CFAP95: variants seen among roughly 807,000 people sequenced by gnomAD.
CFAP95 encodes the protein cilia and flagella associated protein 95.
chr9:69,840,166 T>A, the CFAP95 span, among the ~76,000 whole-genome samples: 6 of 152,152 alleles, frequency 3.9e-5, no homozygotes, highest in African/African-American at 1.4e-4. Context: ...TTGTAAATTC[T>A]ATTTTAGTAC....
the CFAP95 span, among the ~76,000 whole-genome samples, chr9:69,841,198 T>TATATATATATATATATC: frequency 5.2e-5 from 2 of 38,492 alleles, no homozygotes; most frequent in Non-Finnish European, 6.4e-5. Context: ...ATATATATAT[T>TATATATATATATATATC]TCTGATTTAA....
the CFAP95 span, among the ~76,000 whole-genome samples, chr9:69,835,218 T>C: frequency 6.6e-6 from 1 of 152,220 alleles, no homozygotes; most frequent in African/African-American, 2.4e-5. Flanking sequence ...ACATTAATAA[T>C]TCTAAAATTT....
the CFAP95 span, among the ~76,000 whole-genome samples, chr9:69,829,045 T>C: frequency 2.0e-5 from 3 of 152,244 alleles, no homozygotes; most frequent in Non-Finnish European, 4.4e-5. Flanking sequence ...TGTTAGTTTA[T>C]GTTGGGTAAA....
At chr9:69,868,275 A>AT in the CFAP95 span, among the ~76,000 whole-genome samples, 85,303 of 151,828 alleles carry the variant, frequency 0.56, 24,307 homozygotes, top group East Asian at 0.82. Context: ...AAATGAAATG[A>AT]TTTTTTTGGA....
chr9:69,824,314 T>G, the CFAP95 span, among the ~76,000 whole-genome samples: 1 of 152,204 alleles, frequency 6.6e-6, no homozygotes, highest in Admixed American at 6.5e-5. Context: ...TTGATCCTTA[T>G]TATTTCCGGA....
At chr9:69,873,575 T>C in the CFAP95 span, among the ~76,000 whole-genome samples, 1 of 152,280 alleles carries the variant, frequency 6.6e-6, no homozygotes, top group South Asian at 2.1e-4. Context: ...TGTGGCTATA[T>C]TTATCTTAAG....
the CFAP95 span, chr9:69,857,961 C>A: frequency 6.2e-7 from 1 of 1,613,958 alleles, no homozygotes; most frequent in Non-Finnish European, 8.5e-7. Context: ...TAGACATCCA[C>A]CGGATTGGAG....
the CFAP95 span, among the ~76,000 whole-genome samples, chr9:69,841,165 TA>T: frequency 0.41 from 20,304 of 50,090 alleles, 2,915 homozygotes; most frequent in East Asian, 0.55. Context: ...CAAGCTGGAT[TA>T]TATATATATA....
the CFAP95 span, among the ~76,000 whole-genome samples, chr9:69,890,945 A>C: frequency 6.6e-6 from 1 of 152,126 alleles, no homozygotes. Flanking sequence ...GAAAATTGCA[A>C]CCCGTTTATT....
At chr9:69,856,449 G>T in the CFAP95 span, 1 of 584,580 alleles carries the variant, frequency 1.7e-6, no homozygotes, top group Non-Finnish European at 3.0e-6. Flanking sequence ...ATGTCAACTA[G>T]AGTCAACAAT....
chr9:69,858,085 C>A, the CFAP95 span: 4 of 917,780 alleles, frequency 4.4e-6, no homozygotes, highest in Non-Finnish European at 7.0e-6. Context: ...ACAAAATGCC[C>A]TTTACATGAC....
At chr9:69,820,944 G>C in the CFAP95 span, 1 of 1,614,086 alleles carries the variant, frequency 6.2e-7, no homozygotes. Flanking sequence ...TTGGAGATCG[G>C]ACCACCGGAC....
chr9:69,861,641 C>T, the CFAP95 span, among the ~76,000 whole-genome samples: 1 of 148,926 alleles, frequency 6.7e-6, no homozygotes, highest in South Asian at 2.1e-4. Flanking sequence ...CAGCTTTCTG[C>T]TACGTCAGGC....
chr9:69,866,929 G>A, the CFAP95 span, among the ~76,000 whole-genome samples: 1 of 152,162 alleles, frequency 6.6e-6, no homozygotes, highest in Non-Finnish European at 1.5e-5. Context: ...TGAATTTCCT[G>A]GAATGGATAG....
chr9:69,821,071 G>C, the CFAP95 span: 1 of 1,600,488 alleles, frequency 6.2e-7, no homozygotes, highest in Non-Finnish European at 8.5e-7. Flanking sequence ...GTGCTGCGGG[G>C]AGGAAAGAGA....
At chr9:69,877,870 A>C in the CFAP95 span, among the ~76,000 whole-genome samples, 1 of 152,050 alleles carries the variant, frequency 6.6e-6, no homozygotes, top group Non-Finnish European at 1.5e-5. Flanking sequence ...TGTGACTGGG[A>C]CTATTTCAGG....
At chr9:69,869,059 G>T in the CFAP95 span, among the ~76,000 whole-genome samples, 2 of 151,970 alleles carry the variant, frequency 1.3e-5, no homozygotes, top group Non-Finnish European at 2.9e-5. Flanking sequence ...TGTGTAAAAT[G>T]GTACAGACAT....
At chr9:69,891,535 A>G in the CFAP95 span, among the ~76,000 whole-genome samples, 1 of 152,206 alleles carries the variant, frequency 6.6e-6, no homozygotes. Flanking sequence ...TTATTAAAGA[A>G]ATATCTAAAC....
At chr9:69,896,225 C>T in the CFAP95 span, among the ~76,000 whole-genome samples, 543 of 152,212 alleles carry the variant, frequency 3.6e-3, 3 homozygotes, top group Middle Eastern at 0.027. Context: ...TAAGAAAAAT[C>T]GTATTTGTGT....
Sources: allele counts gnomAD v4.1 joint callset (sites outside exome capture counted in the v4.1 genomes callset), GRCh38; gene constraint gnomAD v4.1.1; transcripts MANE v1.5; gene names NCBI Gene and HGNC (gene_info 2026-07-23, HGNC 2026-07-21).